NTAQ1: variants seen among roughly 807,000 people sequenced by gnomAD.
NTAQ1 encodes the protein N-terminal glutamine amidase 1.
In NTAQ1, 21 loss-of-function variants were observed where a neutral mutation model predicts 28.2. The ratio of observed to expected loss-of-function variants is 0.74; its 90% CI spans 0.53 to 1.07. The LOEUF is 1.07. NTAQ1 is among the 50% of genes least tolerant of loss of function. The probability of loss-of-function intolerance (pLI) is 0.00; values close to 1 mark genes in which losing one functional copy is unlikely to be tolerated. For missense variants in NTAQ1, 264 were observed against 256.6 expected, an observed-to-expected ratio of 1.03 and a Z score of -0.20; for synonymous variants, 105 against 90.0, an observed-to-expected ratio of 1.17 and a Z score of -0.94.
intron 5 of NTAQ1, chr8:123,438,104 G>A (rs1563893637): frequency 2.9e-6 from 2 of 695,396 alleles, no homozygotes; most frequent in Non-Finnish European, 5.2e-6. Context: ...AGGTTTTATT[G>A]TACCACTTGT....
chr8:123,470,579 CTTTTGGAGGCCAGACACACCACCTTTA>C (rs1351356791), downstream of NTAQ1, among the ~76,000 whole-genome samples: 3 of 152,308 alleles, frequency 2.0e-5, no homozygotes, highest in African/African-American at 7.2e-5. Context: ...CATAAGACAA[CTTTTGGAGGCCAGACACACCACCTTTA>C]AAAAGTAATT....
rs542919526 is a variant in NTAQ1, at chr8:123,424,697, G to A, written c.84-3227G>A. ...CTGGATTACAGGCATGAACCACCTCGCCTGGCCCCTTTGTATTAACTCTAA... is the reference window on the plus strand; with the variant it reads ...CTGGATTACAGGCATGAACCACCTCACCTGGCCCCTTTGTATTAACTCTAA... On this transcript the variant is annotated intron_variant, in intron 1 of 5. Coordinates refer to ENST00000287387, the MANE Select transcript of NTAQ1 (RefSeq NM_018024.3). 8.5e-5 allele frequency among the ~76,000 whole-genome samples: 13 copies of A among 152,252 alleles called. 1 individual carries two copies. Among genetic ancestry groups the A allele is most frequent in the South Asian group, 4.1e-4 (2 of 4,824 alleles).
rs35940452 is a variant in NTAQ1, at chr8:123,433,925, A to ATTT, written c.235-2516_235-2514dup. On this transcript the variant is annotated intron_variant, in intron 3 of 5. Transcript: ENST00000287387. ...TAAAACATTATGAAATTTTTTTGTGATTTTTTTTTTTTTTAGCTTATCAGC... is the reference window on the plus strand; with the variant it reads ...TAAAACATTATGAAATTTTTTTGTGATTTTTTTTTTTTTTTTTAGCTTATCAGC... Among the ~76,000 whole-genome samples the ATTT allele has an allele frequency of 6.5e-3, 965 of 148,948 alleles. 10 individuals carry two copies. Among genetic ancestry groups the ATTT allele is most frequent in the Middle Eastern group, 0.021 (6 of 288 alleles).
At chr8:123,473,000 T>C (rs181767459), downstream of NTAQ1, among the ~76,000 whole-genome samples, 726 of 152,326 alleles carry the variant, frequency 4.8e-3, 8 homozygotes, top group African/African-American at 0.016. Context: ...AAAATGCCCA[T>C]TGTTAACTGT....
At chr8:123,449,929 A>ATGTATGTGTGTGTGTGTGTG (rs1554657624), downstream of NTAQ1, among the ~76,000 whole-genome samples, 2 of 66,676 alleles carry the variant, frequency 3.0e-5, no homozygotes, top group African/African-American at 1.1e-4. Flanking sequence ...GTATATATAT[A>ATGTATGTGTGTGTGTGTGTG]TGTGTGTGTG....
At chr8:123,474,266 A>C (rs1028425960), downstream of NTAQ1, among the ~76,000 whole-genome samples, 6 of 152,196 alleles carry the variant, frequency 3.9e-5, no homozygotes, top group African/African-American at 1.4e-4. Flanking sequence ...TAGTTATGAG[A>C]AGGAGACAAA....
intron 3 of NTAQ1, among the ~76,000 whole-genome samples, chr8:123,432,010 G>T (rs1814427529): frequency 6.6e-6 from 1 of 152,140 alleles, no homozygotes; most frequent in South Asian, 2.1e-4. Context: ...CACATCTCAT[G>T]GCAGCTCAAG....
chr8:123,458,830 T>C (rs1815732963), intron 6 of NTAQ1, among the ~76,000 whole-genome samples: 1 of 151,852 alleles, frequency 6.6e-6, no homozygotes, highest in Non-Finnish European at 1.5e-5. Flanking sequence ...CCGTGATAGC[T>C]AGGATGGTCT....
downstream of NTAQ1, among the ~76,000 whole-genome samples, chr8:123,447,151 A>G (rs1815323064): frequency 1.3e-5 from 2 of 150,376 alleles, no homozygotes; most frequent in South Asian, 4.2e-4. Flanking sequence ...ATGCTTTTTC[A>G]CTGAGTAGCA....
chr8:123,452,847 C>A (rs1210932291), downstream of NTAQ1, among the ~76,000 whole-genome samples: 1 of 150,882 alleles, frequency 6.6e-6, no homozygotes, highest in Non-Finnish European at 1.5e-5. Context: ...GTGGAGATCG[C>A]ACCATTGCAC....
intron 5 of NTAQ1, 135 bp from the exon 6 acceptor site, chr8:123,441,171 G>GA (rs1243144558): frequency 1.5e-6 from 1 of 659,492 alleles, no homozygotes; most frequent in Non-Finnish European, 2.6e-6. Context: ...TTCAAGGCCA[G>GA]AAAACCACAG....
At chr8:123,444,050 T>C (rs908603659), downstream of NTAQ1, among the ~76,000 whole-genome samples, 1 of 61,016 alleles carries the variant, frequency 1.6e-5, no homozygotes, top group Non-Finnish European at 3.4e-5. Flanking sequence ...CTATTTAAAC[T>C]TTTTCTTTTT....
At chr8:123,474,499 C>T (rs112400675), downstream of NTAQ1, among the ~76,000 whole-genome samples, 2,607 of 152,302 alleles carry the variant, frequency 0.017, 34 homozygotes, top group Non-Finnish European at 0.029. Flanking sequence ...TATATTATTA[C>T]TGGTGAAATT....
At chr8:123,423,230 T>A (rs1055823919) in intron 1 of NTAQ1, among the ~76,000 whole-genome samples, 4 of 136,260 alleles carry the variant, frequency 2.9e-5, no homozygotes, top group African/African-American at 8.4e-5. Flanking sequence ...CTTCCTTCCC[T>A]CTCTCCCTCC....
chr8:123,441,465 GCTATC>G lies in NTAQ1; in HGVS notation c.*53_*57del. ...TGGAGAAATTCTAGGACATGAACAAGCTATCCTTTCATCGAGGACAGCAAACATTA... is the reference window on the plus strand; with the variant it reads ...TGGAGAAATTCTAGGACATGAACAAGCTTTCATCGAGGACAGCAAACATTA... On this transcript the variant is annotated 3_prime_UTR_variant, in exon 6 of 6. Coordinates refer to ENST00000287387, the MANE Select transcript of NTAQ1 (RefSeq NM_018024.3). The G allele has an allele frequency of 7.0e-7, 1 of 1,434,476 alleles. No homozygotes were observed. The highest frequency in any genetic ancestry group is 9.7e-7 in the Non-Finnish European group (1 of 1,029,208). 88.9% of individuals were successfully genotyped at this position (1,434,476 alleles called of 1,614,324 possible). A position where few individuals can be genotyped will look rare whatever the true frequency, so the allele number is the denominator to read the frequency against.
intron 1 of NTAQ1, among the ~76,000 whole-genome samples, chr8:123,418,366 G>A (rs1813440581): frequency 6.6e-6 from 1 of 151,108 alleles, no homozygotes; most frequent in Non-Finnish European, 1.5e-5. Context: ...CAGGAAAATC[G>A]CTTGAACCTG....
downstream of NTAQ1, among the ~76,000 whole-genome samples, chr8:123,449,477 A>T (rs1815404753): frequency 6.6e-6 from 1 of 152,066 alleles, no homozygotes; most frequent in Non-Finnish European, 1.5e-5. Context: ...GCACTTTGGG[A>T]GGCTGAAGTG....
downstream of NTAQ1, among the ~76,000 whole-genome samples, chr8:123,449,137 A>G (rs1310620314): frequency 6.6e-6 from 1 of 152,036 alleles, no homozygotes; most frequent in Non-Finnish European, 1.5e-5. Context: ...GTAGCTGCTG[A>G]TTTTCCGTAG....
At chr8:123,471,585 A>G (rs1816042468), downstream of NTAQ1, among the ~76,000 whole-genome samples, 1 of 152,182 alleles carries the variant, frequency 6.6e-6, no homozygotes, top group Non-Finnish European at 1.5e-5. Context: ...AGCTAATGGT[A>G]TAGTTTCAGT....
Sources: allele counts gnomAD v4.1 joint callset (sites outside exome capture counted in the v4.1 genomes callset), GRCh38; gene constraint gnomAD v4.1.1; transcripts MANE v1.5; gene names NCBI Gene and HGNC (gene_info 2026-07-23, HGNC 2026-07-21).